CTNNA2: variants seen among roughly 807,000 people sequenced by gnomAD.
CTNNA2 encodes catenin alpha 2.
A neutral mutation model predicts 101.0 loss-of-function variants in CTNNA2; 42 were observed. The observed-to-expected ratio is 0.42, with a 90% CI of 0.32 to 0.54. The LOEUF is 0.54. Among genes scored for constraint, CTNNA2 ranks in the 20% least tolerant of loss-of-function variants. The pLI is 0.14. For synonymous variants in CTNNA2, 450 were observed against 456.4 expected (o/e 0.99, Z 0.18); for missense variants, 871 against 1,223.1 (o/e 0.71, Z 4.29).
At chr2:80,187,624 C>G (rs1706213495) in intron 7 of CTNNA2, among the ~76,000 whole-genome samples, 2 of 152,086 alleles carry the variant, frequency 1.3e-5, no homozygotes, top group Admixed American at 6.5e-5. Flanking sequence ...TACCATTGAA[C>G]TTTACAAGGC....
intron 3 of CTNNA2, among the ~76,000 whole-genome samples, chr2:79,756,278 T>A (rs1393019509): frequency 1.3e-5 from 2 of 152,230 alleles, no homozygotes; most frequent in African/African-American, 2.4e-5. Context: ...TCTCTCAAAG[T>A]CATCCTGTTT....
chr2:80,613,826 G>A (rs947154598), intron 17 of CTNNA2, among the ~76,000 whole-genome samples: 3 of 151,508 alleles, frequency 2.0e-5, no homozygotes, highest in African/African-American at 4.8e-5. Flanking sequence ...ACCTTAATTC[G>A]ATCTACTACT....
chr2:79,609,012 G>A (rs1004125339), intron 1 of CTNNA2, among the ~76,000 whole-genome samples: 2 of 151,816 alleles, frequency 1.3e-5, no homozygotes, highest in African/African-American at 4.8e-5. Context: ...AAATCTACTA[G>A]AATAATAAGT....
intron 2 of CTNNA2, among the ~76,000 whole-genome samples, chr2:79,238,435 A>C (rs1347311): frequency 0.96 from 145,264 of 151,694 alleles, 69,434 homozygotes; most frequent in East Asian, 1. Flanking sequence ...TTTGAAATAT[A>C]ATATGAATTA....
intron 7 of CTNNA2, among the ~76,000 whole-genome samples, chr2:79,979,881 A>AC (rs1302278258): frequency 2.0e-5 from 3 of 152,136 alleles, no homozygotes; most frequent in African/African-American, 7.2e-5. Context: ...AAAACCTTTT[A>AC]CCTTTTACGC....
chr2:80,491,049 G>C (rs1026093183), intron 9 of CTNNA2, among the ~76,000 whole-genome samples: 5 of 152,154 alleles, frequency 3.3e-5, no homozygotes, highest in Non-Finnish European at 7.3e-5. Context: ...TATACCACTA[G>C]ATAGGTATGT....
rs576253558 is a variant in CTNNA2, at chr2:79,913,683, C to T, written c.1056+3886C>T. Among the ~76,000 whole-genome samples, 17 of 152,286 alleles carry T rather than the reference C, an allele frequency of 1.1e-4. No individual in the cohort carries two copies. The South Asian group carries it at 2.3e-3, about 20-fold the overall frequency. On this transcript the variant is annotated intron_variant, in intron 7 of 18. Transcript: ENST00000402739. ...GTGGCATAAAGTATTCAAATACTGACTATAAATAAAATTTGCTTATAAATT... is the reference window on the plus strand; with the variant it reads ...GTGGCATAAAGTATTCAAATACTGATTATAAATAAAATTTGCTTATAAATT...
intron 2 of CTNNA2, among the ~76,000 whole-genome samples, chr2:79,308,412 T>C (rs1180110163): frequency 1.3e-5 from 2 of 152,218 alleles, no homozygotes; most frequent in Admixed American, 1.3e-4. Context: ...TTCTTGTATA[T>C]TCTGGATATT....
rs546117801 is a variant in CTNNA2, at chr2:80,548,242, C to T, written c.1540+2179C>T. Among the ~76,000 whole-genome samples the T allele has an allele frequency of 3.3e-5, 5 of 152,258 alleles. No homozygotes were observed. In the South Asian group the frequency reaches 1.0e-3, roughly 32 times the overall value. ...CCTTTCCAACCAGCCTCAGATCACA[C>T]AGCCATCCTGACAGCCCCTGGAAAT... On this transcript the variant is annotated intron_variant, in intron 11 of 18. Transcript: ENST00000402739.
intron 7 of CTNNA2, among the ~76,000 whole-genome samples, chr2:80,136,226 G>A (rs1451622110): frequency 6.6e-6 from 1 of 152,118 alleles, no homozygotes; most frequent in Non-Finnish European, 1.5e-5. Context: ...GCCTGCGGAG[G>A]AGGCAAGAGC....
chr2:80,278,126 A>G (rs1243923460), intron 7 of CTNNA2, among the ~76,000 whole-genome samples: 2 of 152,154 alleles, frequency 1.3e-5, no homozygotes, highest in Non-Finnish European at 2.9e-5. Context: ...TCTATGAAGT[A>G]GGGATATTAA....
chr2:79,247,121 T>G (rs1410742511), intron 2 of CTNNA2, among the ~76,000 whole-genome samples: 7 of 152,160 alleles, frequency 4.6e-5, no homozygotes, highest in Non-Finnish European at 1.0e-4. Context: ...GAACCACTTG[T>G]GGATGTGGGA....
intron 17 of CTNNA2, among the ~76,000 whole-genome samples, chr2:80,613,373 G>T (rs1336618323): frequency 1.3e-5 from 2 of 151,482 alleles, no homozygotes; most frequent in East Asian, 3.9e-4. Flanking sequence ...AAAAGTGACA[G>T]TTTACCAATT....
At chr2:80,085,644 T>A (rs1699393815) in intron 7 of CTNNA2, among the ~76,000 whole-genome samples, 1 of 152,064 alleles carries the variant, frequency 6.6e-6, no homozygotes, top group Non-Finnish European at 1.5e-5. Context: ...ACTAAAGCCA[T>A]TATTTCATCC....
chr2:79,268,951 C>T (rs1172488869), intron 2 of CTNNA2, among the ~76,000 whole-genome samples: 1 of 151,990 alleles, frequency 6.6e-6, no homozygotes, highest in Non-Finnish European at 1.5e-5. Flanking sequence ...TTTGACACAA[C>T]CAGGTTAGTT....
At chr2:79,560,380 T>G (rs1046711206) in intron 1 of CTNNA2, among the ~76,000 whole-genome samples, 20 of 151,884 alleles carry the variant, frequency 1.3e-4, no homozygotes, top group Admixed American at 1.2e-3. Flanking sequence ...AATAAACAGG[T>G]GGCTGTGTTT....
At chr2:79,521,124 AT>A (rs1672086142) in intron 1 of CTNNA2, among the ~76,000 whole-genome samples, 3 of 7,252 alleles carry the variant, frequency 4.1e-4, no homozygotes, top group African/African-American at 1.9e-3. Flanking sequence ...ATATATATAT[AT>A]ATATATATAT....
chr2:80,209,135 A>G (rs1707724705), intron 7 of CTNNA2, among the ~76,000 whole-genome samples: 1 of 152,034 alleles, frequency 6.6e-6, no homozygotes, highest in Non-Finnish European at 1.5e-5. Context: ...TGAAAATATC[A>G]TTTGGAAACA....
rs1341183182 is a variant in CTNNA2, at chr2:80,036,846, TGTGAGAGAGA to T, written c.1056+127051_1056+127060del. On this transcript the variant is annotated intron_variant, in intron 7 of 18. Coordinates refer to ENST00000402739, the MANE Select transcript of CTNNA2 (RefSeq NM_001282597.3). ...GTTTGTGTGTGTGTGTGTGTGTGTG[TGTGAGAGAGA>T]GAGAGAGAGAGAGAGAGAGAGAAGA... Among the ~76,000 whole-genome samples the T allele has an allele frequency of 1.9e-4, 21 of 109,228 alleles. 1 individual carries two copies. Among genetic ancestry groups the T allele is most frequent in the South Asian group, 7.7e-4 (2 of 2,596 alleles). 71.7% of individuals were successfully genotyped at this position (109,228 alleles called of 152,430 possible). A position where few individuals can be genotyped will look rare whatever the true frequency, so the allele number is the denominator to read the frequency against.
Sources: gnomAD v4.1 joint callset for allele counts (sites outside exome capture counted in the v4.1 genomes callset) on GRCh38, gnomAD v4.1.1 for gene constraint, MANE v1.5 for transcripts, NCBI Gene and HGNC (gene_info 2026-07-23, HGNC 2026-07-21) for gene names.